Variants in ULK4 observed in about 807,000 individuals in gnomAD.
The protein encoded by ULK4 is unc-51 like kinase 4, also known as inactive serine/threonine-protein kinase ULK4.
ULK4 carries 133 observed loss-of-function variants against 160.6 expected under a neutral mutation model. That is an observed-to-expected ratio of 0.83 (90% CI 0.72 to 0.96). The LOEUF (loss-of-function observed/expected upper bound fraction) is 0.96. Ranked by LOEUF, ULK4 falls within the 40% of genes least tolerant of loss-of-function variation. The probability of loss-of-function intolerance (pLI) is 0.00; values close to 1 mark genes in which losing one functional copy is unlikely to be tolerated. For synonymous variants in ULK4, 534 were observed against 539.8 expected (o/e 0.99, Z 0.15); for missense variants, 1,580 against 1,499.5 (o/e 1.05, Z -0.89).
At chr3:41,392,129 A>G (rs1441897293) in intron 35 of ULK4, among the ~76,000 whole-genome samples, 1 of 152,158 alleles carries the variant, frequency 6.6e-6, no homozygotes, top group Non-Finnish European at 1.5e-5. Context: ...GAAAACTCCC[A>G]TTGATATCCA....
intron 34 of ULK4, among the ~76,000 whole-genome samples, chr3:41,439,047 C>CA (rs1191442088): frequency 6.7e-6 from 1 of 150,296 alleles, no homozygotes; most frequent in African/African-American, 2.5e-5. Flanking sequence ...CCAGGTGTGG[C>CA]AAGACAAAAG....
chr3:41,796,960 T>C (rs1013909479), intron 20 of ULK4, among the ~76,000 whole-genome samples: 1 of 152,162 alleles, frequency 6.6e-6, no homozygotes. Flanking sequence ...AGAAGTCATC[T>C]TGAAGGGATC....
At chr3:41,474,251 T>C (rs1422459494) in intron 32 of ULK4, among the ~76,000 whole-genome samples, 2 of 152,124 alleles carry the variant, frequency 1.3e-5, no homozygotes, top group African/African-American at 4.8e-5. Context: ...GAACATATAA[T>C]AGGGAAACGA....
chr3:41,315,058 T>C (rs2080121483), intron 35 of ULK4, among the ~76,000 whole-genome samples: 1 of 152,232 alleles, frequency 6.6e-6, no homozygotes, highest in African/African-American at 2.4e-5. Flanking sequence ...CAAATTAGCA[T>C]ACGTCTTTTT....
intron 31 of ULK4, among the ~76,000 whole-genome samples, chr3:41,614,031 A>C (rs1343189914): frequency 6.6e-6 from 1 of 152,246 alleles, no homozygotes; most frequent in Non-Finnish European, 1.5e-5. Context: ...TAAAATACAA[A>C]ACACTTGTTG....
chr3:41,798,633 C>G (rs531184235), intron 20 of ULK4, among the ~76,000 whole-genome samples: 6 of 151,944 alleles, frequency 3.9e-5, no homozygotes, highest in African/African-American at 1.4e-4. Flanking sequence ...TGGACAGTAC[C>G]AGATTGGGCT....
At chr3:41,725,558 G>GT (rs953475474) in intron 22 of ULK4, among the ~76,000 whole-genome samples, 2 of 151,896 alleles carry the variant, frequency 1.3e-5, no homozygotes, top group African/African-American at 2.4e-5. Context: ...ATCCATTTGG[G>GT]TTTTTTTAAT....
At chr3:41,385,752 A>G (rs2081793207) in intron 35 of ULK4, among the ~76,000 whole-genome samples, 1 of 152,196 alleles carries the variant, frequency 6.6e-6, no homozygotes, top group South Asian at 2.1e-4. Flanking sequence ...GGAAAAACAC[A>G]AATCTCAATC....
rs143141885 is a variant in ULK4 at position 41,692,583 on chromosome 3, T to C, written c.2782-10779A>G. 5.8e-3 allele frequency among the ~76,000 whole-genome samples: 869 copies of C among 150,892 alleles called. 6 individuals carry two copies. Among genetic ancestry groups the C allele is most frequent in the African/African-American group, 0.02 (820 of 41,106 alleles). On this transcript the variant is annotated intron_variant, in intron 27 of 36. Transcript: ENST00000301831. ...TTTAATGGTATTAAAATAAATACCATTGCACCCTAATCAAGCTCCTCTGTA... is the reference window on the plus strand; with the variant it reads ...TTTAATGGTATTAAAATAAATACCACTGCACCCTAATCAAGCTCCTCTGTA...
intron 19 of ULK4, among the ~76,000 whole-genome samples, chr3:41,806,303 T>G (rs957554771): frequency 6.6e-6 from 1 of 151,998 alleles, no homozygotes; most frequent in African/African-American, 2.4e-5. Context: ...TGATGGTAGT[T>G]TGTATTTCTG....
At chr3:41,433,787 C>T (rs1478839027) in intron 34 of ULK4, among the ~76,000 whole-genome samples, 1 of 152,022 alleles carries the variant, frequency 6.6e-6, no homozygotes. Flanking sequence ...TGGCGCGATC[C>T]AGGCTCACTG....
intron 16 of ULK4, among the ~76,000 whole-genome samples, chr3:41,889,275 A>G (rs1697832140): frequency 6.6e-6 from 1 of 152,160 alleles, no homozygotes; most frequent in South Asian, 2.1e-4. Context: ...TATAATCCTA[A>G]TATTTATCTC....
At chr3:41,771,453 T>A (rs138479359) in intron 21 of ULK4, among the ~76,000 whole-genome samples, 4 of 152,108 alleles carry the variant, frequency 2.6e-5, no homozygotes, top group Non-Finnish European at 4.4e-5. Context: ...TAAATGTAAA[T>A]TTATGATTTG....
chr3:41,669,620 G>A (rs2125772316), intron 29 of ULK4, among the ~76,000 whole-genome samples: 1 of 152,208 alleles, frequency 6.6e-6, no homozygotes, highest in Middle Eastern at 3.4e-3. Context: ...AGGAAATAAG[G>A]ATATGTCCAA....
intron 25 of ULK4, among the ~76,000 whole-genome samples, chr3:41,714,951 T>C (rs1442626127): frequency 1.3e-5 from 2 of 152,124 alleles, no homozygotes; most frequent in Admixed American, 6.5e-5. Flanking sequence ...AGTTTTATTA[T>C]ATTTTTTCAT....
chr3:41,467,883 C>T (rs926370288), intron 32 of ULK4, among the ~76,000 whole-genome samples: 3 of 152,244 alleles, frequency 2.0e-5, no homozygotes, highest in African/African-American at 7.2e-5. Context: ...GCAGTGCATG[C>T]ATTTTTCAAA....
rs1234762422 is a variant in ULK4, at chr3:41,246,914, T to C, written c.*15A>G. ...CTGGGGCCACAGGGCGGGCTTGTGC[T>C]AAGCACCTTCTTGCCTAGTGCCCAA... On this transcript the variant is annotated 3_prime_UTR_variant, in exon 37 of 37. Coordinates refer to ENST00000301831, the MANE Select transcript of ULK4 (RefSeq NM_017886.4). The C allele has an allele frequency of 1.2e-6, 2 of 1,613,092 alleles. No individual in the cohort carries two copies.
intron 25 of ULK4, among the ~76,000 whole-genome samples, chr3:41,711,680 A>G (rs187042312): frequency 6.6e-6 from 1 of 152,332 alleles, no homozygotes; most frequent in East Asian, 1.9e-4. Flanking sequence ...AAGCCATCAT[A>G]CTTTCATAAA....
At chr3:41,740,434 T>C (rs1287904364) in intron 22 of ULK4, among the ~76,000 whole-genome samples, 1 of 151,834 alleles carries the variant, frequency 6.6e-6, no homozygotes, top group East Asian at 1.9e-4. Flanking sequence ...AAAAGGATTA[T>C]CATGTTGAGA....
Sources: gnomAD v4.1 joint callset for allele counts (sites outside exome capture counted in the v4.1 genomes callset) on GRCh38, gnomAD v4.1.1 for gene constraint, MANE v1.5 for transcripts, NCBI Gene and HGNC (gene_info 2026-07-23, HGNC 2026-07-21) for gene names.